The following SLC22A25 variants were observed in gnomAD, a reference collection of about 807,000 sequenced individuals.
The protein encoded by SLC22A25 is MGI:2442751, MGI:2385316, MGI:3042283, MGI:3645714, MGI:3605624, MGI:2442750.
Under a neutral mutation model 45.9 loss-of-function variants are expected in SLC22A25, and 44 were observed. The observed-to-expected ratio is 0.96, with a 90% CI of 0.75 to 1.23. The LOEUF (loss-of-function observed/expected upper bound fraction) is 1.23, where lower values mean the gene tolerates loss of function less well. Among genes scored for constraint, SLC22A25 ranks in the 50% most tolerant of loss-of-function variants. The pLI is 0.00. For missense variants in SLC22A25, 800 were observed against 666.4 expected (o/e 1.20, Z -2.21); for synonymous variants, 283 against 238.6 (o/e 1.19, Z -1.72).
chr11:63,229,004 T>G (rs181090339), intron 4 of SLC22A25, among the ~76,000 whole-genome samples: 178 of 152,362 alleles, frequency 1.2e-3, no homozygotes, highest in African/African-American at 4.1e-3. Context: ...TATTCATAAA[T>G]GCTTGCTTAA....
chr11:63,171,340 G>C (rs928562876), intron 9 of SLC22A25, among the ~76,000 whole-genome samples: 10 of 152,132 alleles, frequency 6.6e-5, no homozygotes, highest in East Asian at 1.9e-4. Flanking sequence ...GGAAATGAAG[G>C]GTATTCAAAT....
At chr11:63,204,620 A>G (rs964302483) in intron 7 of SLC22A25, among the ~76,000 whole-genome samples, 9 of 152,244 alleles carry the variant, frequency 5.9e-5, no homozygotes, top group African/African-American at 2.2e-4. Flanking sequence ...AGTATCCTAA[A>G]TATAAATGCA....
intron 9 of SLC22A25, among the ~76,000 whole-genome samples, chr11:63,168,514 G>A (rs1302623956): frequency 6.6e-6 from 1 of 152,146 alleles, no homozygotes; most frequent in Non-Finnish European, 1.5e-5. Context: ...AGAACTTTGT[G>A]AAGCATACAC....
intron 1 of SLC22A25, among the ~76,000 whole-genome samples, chr11:63,241,363 G>A (rs1283032849): frequency 6.6e-6 from 1 of 152,058 alleles, no homozygotes; most frequent in Admixed American, 6.6e-5. Flanking sequence ...TGTCATTATG[G>A]ATATTTGATT....
At chr11:63,214,756 T>A (rs1409907671) in intron 7 of SLC22A25, among the ~76,000 whole-genome samples, 1 of 151,760 alleles carries the variant, frequency 6.6e-6, no homozygotes, top group East Asian at 1.9e-4. Context: ...ACGAAATGTT[T>A]AAAAGGTAAC....
rs894781636 is a variant in SLC22A25 at position 63,158,603 on chromosome 11, C to T, written c.*5221G>A. Among the ~76,000 whole-genome samples, 3 of 152,068 alleles carry T rather than the reference C, an allele frequency of 2.0e-5. No individual in the cohort carries two copies. The highest frequency in any genetic ancestry group is 7.2e-5 in the African/African-American group (3 of 41,398). ...ATTTATCCTTTGTGTTACAAACAAT[C>T]CAGTTATACTCCTTTAGTTATTTTA... On this transcript the variant is annotated 3_prime_UTR_variant, in exon 12 of 12. Coordinates refer to ENST00000306494, the MANE Select transcript of SLC22A25 (RefSeq NM_199352.6).
intron 3 of SLC22A25, among the ~76,000 whole-genome samples, chr11:63,237,076 G>A (rs1238536446): frequency 2.0e-5 from 3 of 152,182 alleles, no homozygotes; most frequent in Non-Finnish European, 2.9e-5. Context: ...ATTGTATTAA[G>A]AGGTGGTGCA....
At chr11:63,213,816 C>T (rs185116590) in intron 7 of SLC22A25, among the ~76,000 whole-genome samples, 2 of 152,234 alleles carry the variant, frequency 1.3e-5, no homozygotes, top group Admixed American at 1.3e-4. Context: ...CTTGGAGAGG[C>T]CAGATGTTGA....
intron 5 of SLC22A25, among the ~76,000 whole-genome samples, chr11:63,219,193 C>A (rs989973360): frequency 6.6e-6 from 1 of 152,036 alleles, no homozygotes; most frequent in Non-Finnish European, 1.5e-5. Context: ...TTTCTATAAA[C>A]CATAAAATAT....
intron 9 of SLC22A25, among the ~76,000 whole-genome samples, chr11:63,170,024 C>G (rs1432537542): frequency 6.6e-6 from 1 of 152,170 alleles, no homozygotes; most frequent in African/African-American, 2.4e-5. Context: ...TTCAAAACCA[C>G]TCAACTACGT....
Position 63,164,025 on chromosome 11 carries a change from G to A in SLC22A25, c.1443C>T (p.Ala481=). The A allele has an allele frequency of 4.3e-6, 7 of 1,612,306 alleles. No homozygotes were observed. Among genetic ancestry groups the A allele is most frequent in the Non-Finnish European group, 5.9e-6 (7 of 1,179,130 alleles). The part of the protein sequence containing the change: ...ITGNFANIGG[A]LASLMMILSI... ...TTAGGATCATCATGAGGGAAGCCAG[G>A]GCTCCCCCAATATTAGCAAAGTTTC... is the stretch of plus-strand genomic sequence containing the variant. Residue 481 remains alanine, a synonymous_variant, in exon 12 of 12, where the codon GCC becomes GCT. Transcript: ENST00000306494.
chr11:63,227,598 G>T (rs1179077655), intron 5 of SLC22A25, among the ~76,000 whole-genome samples: 2 of 152,180 alleles, frequency 1.3e-5, no homozygotes, highest in Non-Finnish European at 2.9e-5. Context: ...GGTGCAAGGT[G>T]CATTGTCTGT....
chr11:63,171,179 T>TC (rs2087870186), intron 9 of SLC22A25, among the ~76,000 whole-genome samples: 1 of 152,166 alleles, frequency 6.6e-6, no homozygotes, highest in Non-Finnish European at 1.5e-5. Context: ...ATAAGAGCTA[T>TC]TTATGACAAA....
intron 3 of SLC22A25, among the ~76,000 whole-genome samples, chr11:63,231,088 G>A (rs530609781): frequency 1.2e-4 from 18 of 152,220 alleles, no homozygotes; most frequent in African/African-American, 3.9e-4. Flanking sequence ...CTTTGCTATC[G>A]TGAATAGTGC....
chr11:63,181,523 A>C (rs1037989875), intron 8 of SLC22A25, among the ~76,000 whole-genome samples: 1 of 151,360 alleles, frequency 6.6e-6, no homozygotes, highest in Non-Finnish European at 1.5e-5. Flanking sequence ...TAGTTTGATG[A>C]GAATGATGGA....
chr11:63,195,345 A>G (rs4635084), intron 7 of SLC22A25, among the ~76,000 whole-genome samples: 1 of 152,026 alleles, frequency 6.6e-6, no homozygotes. Context: ...ATTGACCACA[A>G]AGTTGGAAGT....
intron 7 of SLC22A25, among the ~76,000 whole-genome samples, chr11:63,203,159 C>T (rs770506733): frequency 6.6e-5 from 10 of 152,004 alleles, no homozygotes; most frequent in African/African-American, 2.4e-4. Flanking sequence ...TGAAGGTCAC[C>T]GACATCAAAG....
intron 7 of SLC22A25, among the ~76,000 whole-genome samples, chr11:63,217,094 T>C (rs575870778): frequency 4.6e-4 from 70 of 152,346 alleles, no homozygotes; most frequent in Middle Eastern, 3.4e-3. Flanking sequence ...TGGATATTTT[T>C]CAGAAGTATT....
At chr11:63,216,538 C>T (rs573852654) in intron 7 of SLC22A25, among the ~76,000 whole-genome samples, 6 of 152,258 alleles carry the variant, frequency 3.9e-5, no homozygotes, top group Non-Finnish European at 8.8e-5. Flanking sequence ...GAATACTATG[C>T]AGCCATAAAA....
Sources: gnomAD v4.1 joint callset for allele counts (sites outside exome capture counted in the v4.1 genomes callset) on GRCh38, gnomAD v4.1.1 for gene constraint, MANE v1.5 for transcripts, NCBI Gene and HGNC (gene_info 2026-07-23, HGNC 2026-07-21) for gene names.